CMKLR1: variants seen among roughly 807,000 people sequenced by gnomAD.
The protein encoded by CMKLR1 is chemerin-like receptor 1.
CMKLR1 carries 6 observed loss-of-function variants against 8.2 expected under a neutral mutation model. The ratio of observed to expected loss-of-function variants is 0.73; its 90% CI spans 0.40 to 1.44. The LOEUF is 1.44. CMKLR1 is among the 40% of genes most tolerant of loss of function. The pLI, the probability that CMKLR1 is intolerant of heterozygous loss-of-function variation, is 0.02. For synonymous variants in CMKLR1, 178 were observed against 181.2 expected (o/e 0.98, Z 0.14); for missense variants, 429 against 478.0 (o/e 0.90, Z 0.96).
intron 2 of CMKLR1, among the ~76,000 whole-genome samples, chr12:108,319,860 TA>T (rs150501596): frequency 0.012 from 1,897 of 152,296 alleles, 41 homozygotes; most frequent in African/African-American, 0.043. Flanking sequence ...TCTGATGACA[TA>T]TTACACATTT....
chr12:108,300,581 A>C (rs192767478), intron 2 of CMKLR1, among the ~76,000 whole-genome samples: 61 of 152,342 alleles, frequency 4.0e-4, no homozygotes, highest in Non-Finnish European at 8.1e-4. Flanking sequence ...ATAGAACAAC[A>C]CAACAAAGGG....
chr12:108,322,399 C>T (rs994438612), intron 2 of CMKLR1, among the ~76,000 whole-genome samples: 1 of 152,210 alleles, frequency 6.6e-6, no homozygotes, highest in African/African-American at 2.4e-5. Context: ...TGAGTTTCCA[C>T]CATCACAGCT....
At chr12:108,307,217 G>C (rs542857896) in intron 2 of CMKLR1, among the ~76,000 whole-genome samples, 1 of 152,318 alleles carries the variant, frequency 6.6e-6, no homozygotes, top group East Asian at 1.9e-4. Flanking sequence ...CTTACAGCTT[G>C]CTCAGGATGT....
intron 2 of CMKLR1, among the ~76,000 whole-genome samples, chr12:108,322,670 C>T (rs114927132): frequency 0.012 from 1,883 of 152,128 alleles, 39 homozygotes; most frequent in African/African-American, 0.042. Flanking sequence ...CACCTTCCTT[C>T]CCTCTCTCCC....
At chr12:108,318,901 G>C (rs936965116) in intron 2 of CMKLR1, among the ~76,000 whole-genome samples, 1 of 152,148 alleles carries the variant, frequency 6.6e-6, no homozygotes. Flanking sequence ...TCCCCTCCAC[G>C]AATTAGTCTC....
rs1428771861 is a variant in CMKLR1, at chr12:108,330,000, A to G, written c.-79T>C. The G allele has an allele frequency of 6.6e-6, 1 of 152,120 alleles. No individual in the cohort carries two copies. Among genetic ancestry groups the G allele is most frequent in the Non-Finnish European group, 1.5e-5 (1 of 68,026 alleles). 9.4% of individuals were successfully genotyped at this position (152,120 alleles called of 1,614,324 possible). A position where few individuals can be genotyped will look rare whatever the true frequency, so the allele number is the denominator to read the frequency against. ...CACCCTGCCCCAATACTCACATGTCACGCCTCCCATCAAGAAGTGGACTCT... is the reference window on the plus strand; with the variant it reads ...CACCCTGCCCCAATACTCACATGTCGCGCCTCCCATCAAGAAGTGGACTCT... On this transcript the variant is annotated 5_prime_UTR_variant, in exon 2 of 4. Transcript: ENST00000550402.
chr12:108,313,670 G>T (rs796762005), intron 2 of CMKLR1, among the ~76,000 whole-genome samples: 7 of 152,340 alleles, frequency 4.6e-5, no homozygotes, highest in African/African-American at 1.7e-4. Context: ...ATCAGGGCCC[G>T]CTGGTCACTC....
chr12:108,313,782 C>T (rs1473725788), intron 2 of CMKLR1, among the ~76,000 whole-genome samples: 1 of 152,216 alleles, frequency 6.6e-6, no homozygotes, highest in African/African-American at 2.4e-5. Flanking sequence ...GAAACCCCCA[C>T]CAGTAGAACT....
chr12:108,313,605 A>C (rs1272918352), intron 2 of CMKLR1, among the ~76,000 whole-genome samples: 1 of 152,218 alleles, frequency 6.6e-6, no homozygotes, highest in Non-Finnish European at 1.5e-5. Flanking sequence ...GCCAGAAACC[A>C]AGGGGTGTCC....
At chr12:108,306,208 C>T (rs755667577) in intron 2 of CMKLR1, among the ~76,000 whole-genome samples, 13 of 152,226 alleles carry the variant, frequency 8.5e-5, no homozygotes, top group Non-Finnish European at 1.6e-4. Flanking sequence ...CCAGCTCCCT[C>T]CTTGTCAGAG....
rs1555250060 is a variant in CMKLR1, at chr12:108,288,954, AC to A, written c.*2886del. ...CTTGAAACAGAAACTCACTTTCTGC[AC>A]CCCCCCCCCACCTTGCTATGATGGT... On this transcript the variant is annotated 3_prime_UTR_variant, in exon 4 of 4. Transcript: ENST00000550402. 548 of 133,866 alleles carry A rather than the reference AC, an allele frequency of 4.1e-3. 2 individuals carry two copies. Among genetic ancestry groups the A allele is most frequent in the African/African-American group, 7.7e-3 (287 of 37,056 alleles). 8.3% of individuals were successfully genotyped at this position (133,866 alleles called of 1,614,324 possible). A position where few individuals can be genotyped will look rare whatever the true frequency, so the allele number is the denominator to read the frequency against.
intron 2 of CMKLR1, among the ~76,000 whole-genome samples, chr12:108,304,384 G>A (rs1295895999): frequency 5.3e-5 from 8 of 152,262 alleles, no homozygotes; most frequent in Middle Eastern, 3.4e-3. Flanking sequence ...CAGCAGGGCC[G>A]GGGACCATCT....
chr12:108,330,885 C>T (rs527242534), intron 1 of CMKLR1, among the ~76,000 whole-genome samples: 2 of 152,252 alleles, frequency 1.3e-5, no homozygotes, highest in South Asian at 4.1e-4. Flanking sequence ...AGCCCTCAAG[C>T]CAACACATAT....
At chr12:108,296,915 G>T (rs531066607) in intron 2 of CMKLR1, among the ~76,000 whole-genome samples, 2 of 152,084 alleles carry the variant, frequency 1.3e-5, no homozygotes, top group Non-Finnish European at 2.9e-5. Flanking sequence ...CACCTTCCTC[G>T]TGTTGTTGGG....
chr12:108,291,353 A>G lies in CMKLR1; in HGVS notation c.*488T>C, dbSNP rs182197285. 7 of 158,958 alleles carry G rather than the reference A, an allele frequency of 4.4e-5. No homozygotes were observed. Among genetic ancestry groups the G allele is most frequent in the Admixed American group, 4.2e-4 (7 of 16,782 alleles). 9.8% of individuals were successfully genotyped at this position (158,958 alleles called of 1,614,324 possible). A position where few individuals can be genotyped will look rare whatever the true frequency, so the allele number is the denominator to read the frequency against. On this transcript the variant is annotated 3_prime_UTR_variant, in exon 4 of 4. Transcript: ENST00000550402. Reference sequence around the variant, plus strand: ...TCACCTATGCATTTCCACATACTTTAACACAGAGCAGTGACTTGAAGGTAG... The same window carrying G: ...TCACCTATGCATTTCCACATACTTTGACACAGAGCAGTGACTTGAAGGTAG...
intron 1 of CMKLR1, among the ~76,000 whole-genome samples, chr12:108,331,309 A>G (rs1006325773): frequency 6.6e-6 from 1 of 152,208 alleles, no homozygotes; most frequent in African/African-American, 2.4e-5. Context: ...TCATAAGTGC[A>G]GGGACGTGAA....
At chr12:108,301,372 G>A (rs1023405932) in intron 2 of CMKLR1, among the ~76,000 whole-genome samples, 1 of 151,900 alleles carries the variant, frequency 6.6e-6, no homozygotes, top group Admixed American at 6.6e-5. Flanking sequence ...CACCGTGCTC[G>A]GCCGCGTCCA....
At chr12:108,310,163 CTGTGTGTG>C (rs35140046) in intron 2 of CMKLR1, among the ~76,000 whole-genome samples, 207 of 142,506 alleles carry the variant, frequency 1.5e-3, no homozygotes, top group African/African-American at 2.9e-3. Context: ...TGGTTAGGGG[CTGTGTGTG>C]TGTGTGTGTG....
intron 2 of CMKLR1, among the ~76,000 whole-genome samples, chr12:108,303,262 G>T (rs1438612643): frequency 6.6e-6 from 1 of 152,226 alleles, no homozygotes; most frequent in Non-Finnish European, 1.5e-5. Context: ...CCTGCTGGGG[G>T]TGGGATGGTC....
Sources: gnomAD v4.1 joint callset for allele counts (sites outside exome capture counted in the v4.1 genomes callset) on GRCh38, gnomAD v4.1.1 for gene constraint, MANE v1.5 for transcripts, NCBI Gene and HGNC (gene_info 2026-07-23, HGNC 2026-07-21) for gene names.